The following DCC variants were observed in gnomAD, a reference collection of about 807,000 sequenced individuals.
The protein encoded by DCC is netrin receptor DCC.
In DCC, 58 loss-of-function variants were observed where a neutral mutation model predicts 172.5. The ratio of observed to expected loss-of-function variants is 0.34; its 90% CI spans 0.27 to 0.42. The LOEUF is 0.42. Among genes scored for constraint, DCC ranks in the 10% least tolerant of loss-of-function variants. DCC has a pLI of 1.00. For missense variants in DCC, 1,740 were observed against 1,791.0 expected, an observed-to-expected ratio of 0.97 and a Z score of 0.51; for synonymous variants, 709 against 644.5, an observed-to-expected ratio of 1.10 and a Z score of -1.52.
chr18:52,475,421 G>T (rs1989064759), intron 1 of DCC, among the ~76,000 whole-genome samples: 2 of 152,014 alleles, frequency 1.3e-5, no homozygotes, highest in South Asian at 4.1e-4. Flanking sequence ...TTTCTGTCAA[G>T]ATAAAAAATG....
At chr18:53,000,426 C>T (rs1304595376) in intron 5 of DCC, among the ~76,000 whole-genome samples, 2 of 151,808 alleles carry the variant, frequency 1.3e-5, no homozygotes, top group Non-Finnish European at 2.9e-5. Flanking sequence ...GAAACAACTC[C>T]CTGCAATTAT....
chr18:52,379,017 T>C (rs1424821611), intron 1 of DCC, among the ~76,000 whole-genome samples: 1 of 152,146 alleles, frequency 6.6e-6, no homozygotes, highest in Non-Finnish European at 1.5e-5. Context: ...ACCAGTTTAT[T>C]TGGGGACAGA....
intron 1 of DCC, among the ~76,000 whole-genome samples, chr18:52,563,264 C>T (rs1156378789): frequency 6.6e-6 from 1 of 152,120 alleles, no homozygotes; most frequent in Non-Finnish European, 1.5e-5. Context: ...AATAAAATTA[C>T]AGCCATCACT....
rs553861932 is a variant in DCC, at chr18:52,464,715, AC to A, written c.91+123838del. On this transcript the variant is annotated intron_variant, in intron 1 of 28. Coordinates refer to ENST00000442544, the MANE Select transcript of DCC (RefSeq NM_005215.4). Reference sequence around the variant, plus strand: ...GTAGGCAGTGAGAAATCACAGGGAGACTTTCTGCAGGCAGTTGGTACTACCT... The same window carrying A: ...GTAGGCAGTGAGAAATCACAGGGAGATTTCTGCAGGCAGTTGGTACTACCT... Among the ~76,000 whole-genome samples the A allele has an allele frequency of 1.5e-4, 22 of 151,692 alleles. No homozygotes were observed. The East Asian group carries it at 4.3e-3, about 29-fold the overall frequency.
At chr18:52,669,425 C>T (rs905647898) in intron 1 of DCC, among the ~76,000 whole-genome samples, 1 of 152,152 alleles carries the variant, frequency 6.6e-6, no homozygotes, top group Non-Finnish European at 1.5e-5. Flanking sequence ...TGGGAAAGGA[C>T]TGTTATCATC....
At chr18:52,847,423 C>G (rs1862605682) in intron 2 of DCC, among the ~76,000 whole-genome samples, 1 of 152,138 alleles carries the variant, frequency 6.6e-6, no homozygotes, top group African/African-American at 2.4e-5. Flanking sequence ...TCACAACACT[C>G]AAGGGCTCAG....
chr18:52,348,874 A>G (rs1269572147), intron 1 of DCC, among the ~76,000 whole-genome samples: 4 of 152,156 alleles, frequency 2.6e-5, no homozygotes, highest in African/African-American at 4.8e-5. Context: ...AAGTCCTGCC[A>G]TGTTAGTATC....
chr18:53,148,585 G>C (rs2043950769), intron 7 of DCC, among the ~76,000 whole-genome samples: 1 of 152,128 alleles, frequency 6.6e-6, no homozygotes, highest in Non-Finnish European at 1.5e-5. Context: ...GCCTCACAAA[G>C]CCTTGGAATA....
At chr18:53,320,739 T>C (rs980507586) in intron 13 of DCC, among the ~76,000 whole-genome samples, 4 of 152,190 alleles carry the variant, frequency 2.6e-5, no homozygotes, top group African/African-American at 9.7e-5. Context: ...ATTTTTCAAG[T>C]ATTGTTTTGT....
At chr18:53,013,384 G>A (rs1193247572) in intron 5 of DCC, among the ~76,000 whole-genome samples, 11 of 152,058 alleles carry the variant, frequency 7.2e-5, no homozygotes, top group Admixed American at 7.2e-4. Flanking sequence ...ATGAGTTCAT[G>A]TCCTTTGCAG....
chr18:53,109,949 T>G (rs7236657), intron 7 of DCC, among the ~76,000 whole-genome samples: 23,338 of 150,464 alleles, frequency 0.16, 2,232 homozygotes, highest in African/African-American at 0.27. Context: ...CTGAAAGTAT[T>G]TTTTTTTTCT....
chr18:52,895,502 C>T (rs527911363), intron 2 of DCC, among the ~76,000 whole-genome samples: 2 of 152,136 alleles, frequency 1.3e-5, no homozygotes, highest in Non-Finnish European at 2.9e-5. Context: ...GTATTAGAAA[C>T]ATTAGGAAAG....
intron 3 of DCC, among the ~76,000 whole-genome samples, chr18:52,918,356 C>A (rs866043583): frequency 6.6e-6 from 1 of 152,102 alleles, no homozygotes; most frequent in Non-Finnish European, 1.5e-5. Context: ...CCATTAAAAT[C>A]AATTTAGTCA....
At chr18:52,626,386 C>CT in intron 1 of DCC, among the ~76,000 whole-genome samples, 2 of 152,176 alleles carry the variant, frequency 1.3e-5, no homozygotes, top group African/African-American at 4.8e-5. Flanking sequence ...TTATGCCTAG[C>CT]CTGACCCAAG....
At chr18:52,709,926 C>T (rs1345858291) in intron 1 of DCC, among the ~76,000 whole-genome samples, 1 of 151,946 alleles carries the variant, frequency 6.6e-6, no homozygotes, top group African/African-American at 2.4e-5. Context: ...GTTGGGATTA[C>T]AGAATTAAAA....
chr18:53,189,953 T>A (rs1039950650), intron 9 of DCC, among the ~76,000 whole-genome samples: 4 of 152,080 alleles, frequency 2.6e-5, no homozygotes, highest in African/African-American at 9.7e-5. Context: ...TGAGACGGAG[T>A]TTCACTCTTG....
intron 1 of DCC, among the ~76,000 whole-genome samples, chr18:52,579,181 A>G (rs1035945209): frequency 2.0e-5 from 3 of 152,196 alleles, no homozygotes; most frequent in Admixed American, 1.3e-4. Flanking sequence ...AGTTGTAATC[A>G]TTTTATAAGC....
intron 2 of DCC, among the ~76,000 whole-genome samples, chr18:52,813,330 C>T (rs2038233836): frequency 6.6e-6 from 1 of 150,576 alleles, no homozygotes; most frequent in Non-Finnish European, 1.5e-5. Context: ...AATTGGAGTA[C>T]AAATGTATTA....
At chr18:53,262,005 A>G (rs1205838880) in intron 12 of DCC, among the ~76,000 whole-genome samples, 1 of 152,220 alleles carries the variant, frequency 6.6e-6, no homozygotes, top group East Asian at 1.9e-4. Flanking sequence ...GTGGATTTCC[A>G]TCAGAAAAGA....
Sources: allele counts gnomAD v4.1 joint callset (sites outside exome capture counted in the v4.1 genomes callset), GRCh38; gene constraint gnomAD v4.1.1; transcripts MANE v1.5; gene names NCBI Gene and HGNC (gene_info 2026-07-23, HGNC 2026-07-21).